The following SLC4A4 variants were observed in gnomAD, a reference collection of about 807,000 sequenced individuals.
SLC4A4 encodes electrogenic sodium bicarbonate cotransporter 1.
In SLC4A4, 27 loss-of-function variants were observed where a neutral mutation model predicts 111.5. The observed-to-expected ratio is 0.24, with a 90% CI of 0.18 to 0.33. SLC4A4 has a LOEUF of 0.33. Among genes scored for constraint, SLC4A4 ranks in the 10% least tolerant of loss-of-function variants. The pLI is 1.00. For missense variants in SLC4A4, 909 were observed against 1,315.5 expected (o/e 0.69, Z 4.78); for synonymous variants, 443 against 463.4 (o/e 0.96, Z 0.57).
At chr4:71,438,961 G>T (rs187448760) in intron 7 of SLC4A4, among the ~76,000 whole-genome samples, 1 of 150,924 alleles carries the variant, frequency 6.6e-6, no homozygotes, top group East Asian at 1.9e-4. Context: ...TTAATATTTG[G>T]TATCAGGATG....
At position 71,557,816 on chromosome 4, in the gene SLC4A4, G is replaced by C. The variant is rs766768655; in HGVS notation, c.2868G>C (p.Leu956=). 2.5e-6 allele frequency: 4 copies of C among 1,612,630 alleles called. No individual in the cohort carries two copies. Among genetic ancestry groups the C allele is most frequent in the Non-Finnish European group, 2.5e-6 (3 of 1,179,190 alleles). ...PLRRVHLFTF[L]QVLCLALLWI... ...GCAGAGTCCACCTGTTCACTTTCCT[G>C]CAGGTGTTGTGTCTGGCCCTGCTTT... The change falls in exon 22 of 26, where the codon CTG becomes CTC. Residue 956 remains leucine, a synonymous_variant. Coordinates refer to ENST00000264485, the MANE Select transcript of SLC4A4 (RefSeq NM_001098484.3).
chr4:71,328,190 G>T (rs1727654973), intron 3 of SLC4A4, among the ~76,000 whole-genome samples: 1 of 151,978 alleles, frequency 6.6e-6, no homozygotes, highest in Non-Finnish European at 1.5e-5. Flanking sequence ...GTACTCCATT[G>T]TGTGTATATA....
intron 6 of SLC4A4, among the ~76,000 whole-genome samples, chr4:71,388,644 A>G (rs990182028): frequency 4.6e-5 from 7 of 152,226 alleles, no homozygotes; most frequent in African/African-American, 9.6e-5. Flanking sequence ...CCTGGGCCCA[A>G]GCAGTCCTCT....
chr4:71,417,408 G>A (rs1373985820), intron 7 of SLC4A4, among the ~76,000 whole-genome samples: 3 of 152,028 alleles, frequency 2.0e-5, no homozygotes, highest in Admixed American at 2.0e-4. Context: ...TGGAATTTTG[G>A]GACTTTCCCT....
chr4:71,501,822 AC>A (rs1344875687), intron 16 of SLC4A4, among the ~76,000 whole-genome samples: 1 of 150,652 alleles, frequency 6.6e-6, no homozygotes, highest in Non-Finnish European at 1.5e-5. Flanking sequence ...CCACCATGGG[AC>A]CTGGCTAATT....
chr4:71,241,855 C>T (rs1380974605), intron 2 of SLC4A4, among the ~76,000 whole-genome samples: 3 of 152,188 alleles, frequency 2.0e-5, no homozygotes, highest in African/African-American at 7.2e-5. Context: ...TTTCCCAGAA[C>T]AGGTTGAGCC....
rs1168062618 is a variant in SLC4A4 at position 71,155,833 on chromosome 4, TG to T, written c.-2+63046del. Reference sequence around the variant, plus strand: ...AATTTATCAGAATAACCCAATTAATTGGGGGCACTCTTAAGTGCATAAATTA... The same window carrying T: ...AATTTATCAGAATAACCCAATTAATTGGGGCACTCTTAAGTGCATAAATTA... On this transcript the variant is annotated intron_variant, in intron 2 of 26. Transcript: ENST00000649996. 2.0e-5 allele frequency among the ~76,000 whole-genome samples: 3 copies of T among 152,330 alleles called. No homozygotes were observed. In the East Asian group the frequency reaches 5.8e-4, roughly 29 times the overall value.
chr4:71,485,155 G>C (rs1491000389), intron 14 of SLC4A4, among the ~76,000 whole-genome samples: 1 of 151,662 alleles, frequency 6.6e-6, no homozygotes, highest in Admixed American at 6.6e-5. Context: ...GATTGCCCTG[G>C]CCATTACTTC....
chr4:71,542,427 T>C (rs1301697061), intron 18 of SLC4A4, among the ~76,000 whole-genome samples: 1 of 152,096 alleles, frequency 6.6e-6, no homozygotes, highest in Admixed American at 6.6e-5. Flanking sequence ...ATCACTTGCC[T>C]GCCTAAAACC....
chr4:71,525,539 G>A (rs1041134677), intron 16 of SLC4A4, among the ~76,000 whole-genome samples: 3 of 151,990 alleles, frequency 2.0e-5, no homozygotes, highest in Admixed American at 6.6e-5. Flanking sequence ...CTTAATTTGT[G>A]TTCTCTTAGA....
At chr4:71,479,829 T>G (rs1243564360) in intron 14 of SLC4A4, among the ~76,000 whole-genome samples, 1 of 151,744 alleles carries the variant, frequency 6.6e-6, no homozygotes, top group East Asian at 2.0e-4. Flanking sequence ...TTTAGCAGTT[T>G]CTGCATAATG....
intron 5 of SLC4A4, among the ~76,000 whole-genome samples, chr4:71,353,221 T>C (rs1245269487): frequency 6.6e-6 from 1 of 152,232 alleles, no homozygotes; most frequent in Non-Finnish European, 1.5e-5. Context: ...ATGCATTTAC[T>C]TTAAAAATTG....
At chr4:71,183,767 A>G (rs1745373021), upstream of SLC4A4, among the ~76,000 whole-genome samples, 1 of 152,220 alleles carries the variant, frequency 6.6e-6, no homozygotes, top group Non-Finnish European at 1.5e-5. Flanking sequence ...GAAAATCTCT[A>G]TTCTGTGTAG....
intron 16 of SLC4A4, among the ~76,000 whole-genome samples, chr4:71,508,507 A>G (rs1227337146): frequency 6.6e-6 from 1 of 152,188 alleles, no homozygotes; most frequent in Non-Finnish European, 1.5e-5. Flanking sequence ...TAGGAAGTCC[A>G]GAACAAATGG....
At chr4:71,076,314 G>C (rs939200318) in intron 1 of SLC4A4, among the ~76,000 whole-genome samples, 2 of 151,974 alleles carry the variant, frequency 1.3e-5, no homozygotes, top group Non-Finnish European at 2.9e-5. Flanking sequence ...GCGGATCAAC[G>C]GAGGCCAGAA....
At chr4:71,463,436 G>A (rs189079397) in intron 12 of SLC4A4, among the ~76,000 whole-genome samples, 23 of 152,226 alleles carry the variant, frequency 1.5e-4, no homozygotes, top group African/African-American at 5.5e-4. Context: ...ATTGTGAAGA[G>A]GAAGATGTCA....
chr4:71,181,016 C>T (rs1358313805), intron 2 of SLC4A4, among the ~76,000 whole-genome samples: 1 of 151,920 alleles, frequency 6.6e-6, no homozygotes, highest in African/African-American at 2.4e-5. Context: ...ATATATATAC[C>T]ATGGAATACT....
intron 21 of SLC4A4, among the ~76,000 whole-genome samples, chr4:71,556,743 C>G (rs1233879818): frequency 1.3e-5 from 2 of 151,836 alleles, no homozygotes; most frequent in African/African-American, 4.8e-5. Context: ...AAGGTCCTCA[C>G]CAGTCAAAAA....
chr4:71,065,084 A>G lies in SLC4A4; in HGVS notation c.-65+2296A>G, dbSNP rs1160511824. ...ATTTTTTGAATGACTGAACGAATGA[A>G]CTCATCAAAGCTGTCTGTATATAGT... On this transcript the variant is annotated intron_variant, in intron 1 of 26. Coordinates refer to the SLC4A4 transcript ENST00000649996. Among the ~76,000 whole-genome samples the G allele has an allele frequency of 2.0e-5, 3 of 152,170 alleles. No homozygotes were observed. In the East Asian group the frequency reaches 5.8e-4, roughly 29 times the overall value.
Sources: allele counts gnomAD v4.1 joint callset (sites outside exome capture counted in the v4.1 genomes callset), GRCh38; gene constraint gnomAD v4.1.1; transcripts MANE v1.5; gene names NCBI Gene and HGNC (gene_info 2026-07-23, HGNC 2026-07-21).